The following ACBD6 variants were observed in gnomAD, a reference collection of about 807,000 sequenced individuals.
The protein encoded by ACBD6 is acyl-CoA-binding domain-containing protein 6.
In ACBD6, 28 loss-of-function variants were observed where a neutral mutation model predicts 37.2. That is an observed-to-expected ratio of 0.75 (90% confidence interval 0.56 to 1.03). ACBD6 has a LOEUF of 1.03. Among genes scored for constraint, ACBD6 ranks in the 50% least tolerant of loss-of-function variants. The pLI is 0.00. For synonymous variants in ACBD6, 113 were observed against 126.8 expected, an observed-to-expected ratio of 0.89 and a Z score of 0.73; for missense variants, 340 against 337.4, an observed-to-expected ratio of 1.01 and a Z score of -0.06.
intron 6 of ACBD6, among the ~76,000 whole-genome samples, chr1:180,339,363 G>A (rs1335053018): frequency 6.6e-6 from 1 of 152,206 alleles, no homozygotes; most frequent in East Asian, 1.9e-4. Context: ...AAAAAATGAT[G>A]AGTTAATGTC....
chr1:180,371,697 T>C (rs1007757243), intron 6 of ACBD6, among the ~76,000 whole-genome samples: 1 of 152,122 alleles, frequency 6.6e-6, no homozygotes, highest in African/African-American at 2.4e-5. Context: ...GAGTTAATCA[T>C]AAAAATTGAG....
At chr1:180,485,589 A>G (rs575739430) in intron 3 of ACBD6, among the ~76,000 whole-genome samples, 2 of 152,354 alleles carry the variant, frequency 1.3e-5, no homozygotes, top group East Asian at 3.9e-4. Flanking sequence ...GAGGCAAGAA[A>G]TGATTCTTCT....
chr1:180,412,179 T>C (rs754978350), intron 5 of ACBD6, among the ~76,000 whole-genome samples: 5 of 152,024 alleles, frequency 3.3e-5, no homozygotes, highest in Non-Finnish European at 5.9e-5. Flanking sequence ...TGGTATTATT[T>C]TGTTTCACTA....
Position 180,288,287 on chromosome 1 carries a change from G to C in ACBD6, c.*76C>G. 6.3e-7 allele frequency: 1 copy of C among 1,595,132 alleles called. No homozygotes were observed. Among genetic ancestry groups the C allele is most frequent in the Non-Finnish European group, 8.6e-7 (1 of 1,166,596 alleles). The stretch of plus-strand genomic sequence containing the variant: ...ATACATACCAAAGACGGGTGGAAAA[G>C]AAGTATTATTTTTGTAGTTTTCTTT... On this transcript the variant is annotated 3_prime_UTR_variant, in exon 8 of 8. Transcript: ENST00000367595.
chr1:180,308,797 G>A (rs909482897), intron 7 of ACBD6, among the ~76,000 whole-genome samples: 7 of 152,092 alleles, frequency 4.6e-5, no homozygotes, highest in African/African-American at 7.2e-5. Context: ...CCCATTTACC[G>A]CTATAGATAC....
chr1:180,294,238 A>G (rs1490222499), intron 7 of ACBD6, among the ~76,000 whole-genome samples: 1 of 152,076 alleles, frequency 6.6e-6, no homozygotes, highest in Non-Finnish European at 1.5e-5. Flanking sequence ...GTGTCTTTAA[A>G]AAAATTTGTC....
At chr1:180,339,259 T>C (rs150082906) in intron 6 of ACBD6, among the ~76,000 whole-genome samples, 7,715 of 152,202 alleles carry the variant, frequency 0.051, 251 homozygotes, top group South Asian at 0.089. Context: ...CTATTCACAA[T>C]AGCAAAGACT....
At chr1:180,465,249 A>G (rs188839510) in intron 3 of ACBD6, among the ~76,000 whole-genome samples, 4 of 152,308 alleles carry the variant, frequency 2.6e-5, no homozygotes, top group African/African-American at 9.6e-5. Flanking sequence ...ACGGGAGAGA[A>G]TATCTGAAAA....
At chr1:180,485,809 T>C (rs1281412028) in intron 3 of ACBD6, among the ~76,000 whole-genome samples, 1 of 152,116 alleles carries the variant, frequency 6.6e-6, no homozygotes, top group Non-Finnish European at 1.5e-5. Flanking sequence ...AAAAAGGACA[T>C]AGAAGCCATC....
intron 7 of ACBD6, among the ~76,000 whole-genome samples, chr1:180,313,656 T>C (rs565871798): frequency 1.4e-4 from 22 of 152,312 alleles, no homozygotes; most frequent in Non-Finnish European, 2.2e-4. Flanking sequence ...TAATGTGGTG[T>C]AAATACCGAT....
At chr1:180,479,291 A>G (rs1440086846) in intron 3 of ACBD6, among the ~76,000 whole-genome samples, 3 of 152,220 alleles carry the variant, frequency 2.0e-5, no homozygotes, top group South Asian at 4.1e-4. Flanking sequence ...TGGTATATAT[A>G]CACAATGAAA....
At chr1:180,294,846 C>T (rs550608569) in intron 7 of ACBD6, among the ~76,000 whole-genome samples, 1 of 152,034 alleles carries the variant, frequency 6.6e-6, no homozygotes, top group Non-Finnish European at 1.5e-5. Context: ...CAGGCTCAAA[C>T]AACTATGCCT....
At chr1:180,320,315 T>A (rs1375893854) in intron 6 of ACBD6, among the ~76,000 whole-genome samples, 1 of 152,196 alleles carries the variant, frequency 6.6e-6, no homozygotes. Flanking sequence ...TTGAGAAAGA[T>A]CTATTCAAAT....
intron 6 of ACBD6, among the ~76,000 whole-genome samples, chr1:180,317,337 G>C (rs926106393): frequency 6.6e-6 from 1 of 152,290 alleles, no homozygotes; most frequent in Non-Finnish European, 1.5e-5. Flanking sequence ...TGGTTACCAG[G>C]GGCAGGGAGG....
intron 6 of ACBD6, among the ~76,000 whole-genome samples, chr1:180,330,475 A>C (rs1002333807): frequency 6.6e-6 from 1 of 152,206 alleles, no homozygotes; most frequent in Non-Finnish European, 1.5e-5. Context: ...CACAAAAAAA[A>C]CCTTATTTGA....
intron 3 of ACBD6, among the ~76,000 whole-genome samples, chr1:180,460,029 G>A (rs1033156106): frequency 3.2e-4 from 44 of 138,950 alleles, no homozygotes; most frequent in African/African-American, 9.5e-4. Context: ...TGTGCACAAC[G>A]TGCAGCTTTG....
At chr1:180,306,507 C>A (rs1267059511) in intron 7 of ACBD6, among the ~76,000 whole-genome samples, 1 of 152,158 alleles carries the variant, frequency 6.6e-6, no homozygotes, top group Admixed American at 6.5e-5. Context: ...ATCCCCTTTA[C>A]TAATGCTAGA....
At chr1:180,318,037 C>T (rs1324207564) in intron 6 of ACBD6, among the ~76,000 whole-genome samples, 1 of 151,578 alleles carries the variant, frequency 6.6e-6, no homozygotes, top group African/African-American at 2.4e-5. Context: ...ATTAGCCAGG[C>T]GTTGGTGGCT....
intron 3 of ACBD6, among the ~76,000 whole-genome samples, chr1:180,454,090 A>C (rs1231515774): frequency 2.6e-5 from 4 of 152,170 alleles, no homozygotes; most frequent in South Asian, 2.1e-4. Context: ...AAAAAGAACA[A>C]AGCTGGAGGC....
Sources: gnomAD v4.1 joint callset for allele counts (sites outside exome capture counted in the v4.1 genomes callset) on GRCh38, gnomAD v4.1.1 for gene constraint, MANE v1.5 for transcripts, NCBI Gene and HGNC (gene_info 2026-07-23, HGNC 2026-07-21) for gene names.